Variants in HECW1 observed in about 807,000 individuals in gnomAD.
HECW1 encodes the protein HECT, C2 and WW domain containing E3 ubiquitin protein ligase 1, also known as E3 ubiquitin-protein ligase HECW1.
HECW1 carries 61 observed loss-of-function variants against 182.3 expected under a neutral mutation model. That is an observed-to-expected ratio of 0.33 (90% CI 0.27 to 0.41). HECW1 has a LOEUF of 0.41. HECW1 is among the 10% of genes least tolerant of loss of function. The pLI is 1.00. For missense variants in HECW1, 1,739 were observed against 2,108.9 expected, an observed-to-expected ratio of 0.82 and a Z score of 3.44; for synonymous variants, 859 against 832.6, an observed-to-expected ratio of 1.03 and a Z score of -0.55.
At position 43,447,917 on chromosome 7, in the gene HECW1, G is replaced by A. The variant is rs183448594; in HGVS notation, c.2398+2347G>A. 1.9e-3 allele frequency among the ~76,000 whole-genome samples: 292 copies of A among 152,214 alleles called. 2 individuals are homozygous for A. Among genetic ancestry groups the A allele is most frequent in the African/African-American group, 6.6e-3 (274 of 41,528 alleles). The stretch of plus-strand genomic sequence containing the variant: ...GAGGTGGGTGGATTGCCTGAGGTCA[G>A]GAGTTCAAGACCAGCCTGGCCAACA... On this transcript the variant is annotated intron_variant, in intron 11 of 29. Transcript: ENST00000395891.
intron 2 of HECW1, among the ~76,000 whole-genome samples, chr7:43,186,044 G>T (rs1249168888): frequency 6.6e-6 from 1 of 152,086 alleles, no homozygotes; most frequent in Non-Finnish European, 1.5e-5. Flanking sequence ...AGTAGGTCCT[G>T]GATAACAGGT....
At chr7:43,448,107 A>G (rs1204849388) in intron 11 of HECW1, among the ~76,000 whole-genome samples, 2 of 151,976 alleles carry the variant, frequency 1.3e-5, no homozygotes, top group Non-Finnish European at 2.9e-5. Flanking sequence ...TGCACTCCCA[A>G]CTGGGCAACA....
chr7:43,153,457 T>G (rs1402163486), intron 2 of HECW1, among the ~76,000 whole-genome samples: 1 of 152,198 alleles, frequency 6.6e-6, no homozygotes, highest in African/African-American at 2.4e-5. Flanking sequence ...ACCCGTACAT[T>G]ATTTTAAGGG....
intron 2 of HECW1, among the ~76,000 whole-genome samples, chr7:43,232,750 C>A (rs1398775063): frequency 1.3e-5 from 2 of 152,192 alleles, no homozygotes; most frequent in East Asian, 3.8e-4. Context: ...GTAAAATAAT[C>A]CTCTCTGGGG....
intron 6 of HECW1, chr7:43,396,568 A>G: frequency 2.4e-6 from 1 of 418,366 alleles, no homozygotes; most frequent in East Asian, 4.3e-5. Context: ...TTTCTATTAC[A>G]GTAATTGTGT....
In HECW1 at chr7:43,493,187, C is replaced by G. The variant is rs751729333; in HGVS notation, c.3437+7C>G. ...CAAGAAACCACACACTCAGGTAAGC[C>G]TCGCCCCTCACTCCCTGGAACTCTA... On this transcript the variant is annotated splice_region_variant and intron_variant, in intron 19 of 29. Coordinates refer to ENST00000395891, the MANE Select transcript of HECW1 (RefSeq NM_015052.5). The G allele has an allele frequency of 6.3e-7, 1 of 1,594,072 alleles. No homozygotes were observed. The highest frequency in any genetic ancestry group is 8.6e-7 in the Non-Finnish European group (1 of 1,162,404).
chr7:43,513,470 T>C (rs2079979794), intron 24 of HECW1, among the ~76,000 whole-genome samples: 2 of 152,170 alleles, frequency 1.3e-5, no homozygotes, highest in Non-Finnish European at 2.9e-5. Flanking sequence ...AGTGGGTACT[T>C]GACATTCTGG....
intron 24 of HECW1, among the ~76,000 whole-genome samples, chr7:43,540,031 CAG>C (rs1160407500): frequency 6.6e-6 from 1 of 152,162 alleles, no homozygotes; most frequent in African/African-American, 2.4e-5. Flanking sequence ...CTAGTCTCTT[CAG>C]AGTCAATAAC....
At chr7:43,311,675 T>C (rs757449768) in intron 3 of HECW1, 88 bp from the exon 4 acceptor site, 15 of 1,216,018 alleles carry the variant, frequency 1.2e-5, no homozygotes, top group Middle Eastern at 1.9e-4. Context: ...AGCGCGTGTC[T>C]CCCAGCACAT....
chr7:43,444,879 C>G lies in HECW1; in HGVS notation c.1707C>G (p.Ser569Arg), dbSNP rs1458357093. Residue 569 changes from serine (S) to arginine (R), a missense_variant, in exon 11 of 30, where the codon AGC becomes AGG. Around this residue, in one of 5 missense-constraint regions of HECW1, gnomAD observed 971 missense variants for 1,029.1 expected, o/e 0.94. Coordinates refer to ENST00000395891, the MANE Select transcript of HECW1 (RefSeq NM_015052.5). The surrounding 1 kb of genome is among the most constrained non-coding windows in gnomAD (Gnocchi z 4.3). ...TCCGCATCCACACCCTGCTGCACAG[C>G]ATGCCCTCCGCCCAGGGCGGCAGCG... ...HYIRIHTLLHSMPSAQGGSAA... is the reference protein window; with the variant it reads ...HYIRIHTLLHRMPSAQGGSAA... The G allele has an allele frequency of 6.2e-7, 1 of 1,608,502 alleles. No homozygotes were observed. Among genetic ancestry groups the G allele is most frequent in the African/African-American group, 1.3e-5 (1 of 74,872 alleles).
intron 2 of HECW1, among the ~76,000 whole-genome samples, chr7:43,199,802 G>A (rs1362931243): frequency 6.6e-6 from 1 of 152,094 alleles, no homozygotes; most frequent in Non-Finnish European, 1.5e-5. Flanking sequence ...CAGTACCCAC[G>A]AATGAGTGCT....
chr7:43,120,718 A>G (rs1484956971), intron 2 of HECW1, among the ~76,000 whole-genome samples: 11 of 152,238 alleles, frequency 7.2e-5, no homozygotes, highest in African/African-American at 1.7e-4. Context: ...ATCTTGGCTC[A>G]CTACAACCTC....
At chr7:43,426,182 G>A (rs1034377572) in intron 8 of HECW1, among the ~76,000 whole-genome samples, 3 of 152,088 alleles carry the variant, frequency 2.0e-5, no homozygotes, top group African/African-American at 7.2e-5. Flanking sequence ...CCAAATCTGA[G>A]GTCACAGAAC....
intron 2 of HECW1, among the ~76,000 whole-genome samples, chr7:43,164,393 T>A (rs1327962871): frequency 6.6e-6 from 1 of 152,200 alleles, no homozygotes; most frequent in Non-Finnish European, 1.5e-5. Context: ...ATAAGTTGAG[T>A]TGAAGGTGCC....
At chr7:43,250,011 T>A (rs575262731) in intron 3 of HECW1, among the ~76,000 whole-genome samples, 1 of 152,248 alleles carries the variant, frequency 6.6e-6, no homozygotes, top group East Asian at 1.9e-4. Context: ...AGGTTCTTGC[T>A]TTACACGATT....
chr7:43,143,539 G>T (rs977357817), intron 2 of HECW1, among the ~76,000 whole-genome samples: 3 of 152,066 alleles, frequency 2.0e-5, no homozygotes, highest in African/African-American at 7.2e-5. Flanking sequence ...TCCCACCTCA[G>T]CCTCCCAAAG....
intron 2 of HECW1, among the ~76,000 whole-genome samples, chr7:43,151,632 C>T (rs975451342): frequency 6.6e-6 from 1 of 152,016 alleles, no homozygotes; most frequent in Non-Finnish European, 1.5e-5. Context: ...ATATTGGCAA[C>T]AAATACCAAA....
intron 7 of HECW1, among the ~76,000 whole-genome samples, chr7:43,399,682 T>A (rs1238184408): frequency 2.6e-5 from 4 of 152,116 alleles, no homozygotes; most frequent in African/African-American, 9.7e-5. Flanking sequence ...CCACCCCAAC[T>A]TGGTTCACAA....
At chr7:43,118,981 T>G (rs975111734) in intron 2 of HECW1, 10 of 152,256 alleles carry the variant, frequency 6.6e-5, no homozygotes, top group African/African-American at 1.9e-4. Context: ...ACTGGCCTTC[T>G]TCACTCCCTC....
Sources: gnomAD v4.1 joint callset for allele counts (sites outside exome capture counted in the v4.1 genomes callset) on GRCh38, gnomAD v4.1.1 for gene constraint, gnomAD v4.1.1 regional missense constraint, Gnocchi (gnomAD v3.1) non-coding constraint, MANE v1.5 for transcripts, NCBI Gene and HGNC (gene_info 2026-07-23, HGNC 2026-07-21) for gene names.